Variants in ATAD3A observed in about 807,000 individuals in gnomAD.
ATAD3A encodes the protein ATPase family AAA domain-containing protein 3A.
ATAD3A carries 46 observed loss-of-function variants against 73.8 expected under a neutral mutation model. The ratio of observed to expected loss-of-function variants is 0.62; its 90% CI spans 0.49 to 0.80. ATAD3A has a LOEUF of 0.80. Ranked by LOEUF, ATAD3A falls within the 30% of genes least tolerant of loss-of-function variation. The pLI is 0.00. For synonymous variants in ATAD3A, 319 were observed against 350.0 expected (o/e 0.91, Z 0.99); for missense variants, 705 against 838.0 (o/e 0.84, Z 1.96).
chr1:1,532,575 C>T (rs901806253), intron 15 of ATAD3A, among the ~76,000 whole-genome samples: 5 of 152,170 alleles, frequency 3.3e-5, no homozygotes, highest in African/African-American at 7.2e-5. Flanking sequence ...CAGGACGCCA[C>T]GTGACATTTA....
rs751361400 is a variant in ATAD3A at position 1,518,988 on chromosome 1, G to A, written c.512G>A (p.Arg171Gln). ...ESVQKQEAMR[R>Q]ATVEREMELR... ...GTGCAGAAGCAGGAAGCCATGCGGC[G>A]AGGTAGGCTGTCTGCTCTCCTGGCT... Residue 171 changes from arginine to glutamine, a missense_variant and splice_region_variant, in exon 5 of 16, where the codon CGA (arginine) becomes CAA (glutamine). By Grantham distance (43) the Arg-to-Gln change is conservative (BLOSUM62 1). Transcript: ENST00000378756. 73 of 1,614,028 alleles carry A rather than the reference G, an allele frequency of 4.5e-5. No homozygotes were observed. Among genetic ancestry groups the A allele is most frequent in the Non-Finnish European group, 5.6e-5 (66 of 1,179,994 alleles).
intron 15 of ATAD3A, among the ~76,000 whole-genome samples, 160 bp downstream of exon 15, chr1:1,529,491 C>T (rs1641963304): frequency 6.6e-6 from 1 of 152,254 alleles, no homozygotes; most frequent in South Asian, 2.1e-4. Context: ...CCAGTCAGGC[C>T]ACTCCACGAG....
In ATAD3A at chr1:1,534,199, C is replaced by T. The variant is rs1485582624; in HGVS notation, c.*127C>T. ...TGGGCTGTGCCCAGGGCCTCTGTCC[C>T]CCAGGATGTCTTGTGGTGCGGGTCG... is the stretch of plus-strand genomic sequence containing the variant. On this transcript the variant is annotated 3_prime_UTR_variant, in exon 16 of 16. Transcript: ENST00000378756. 8.4e-6 allele frequency: 13 copies of T among 1,544,718 alleles called. No homozygotes were observed. The highest frequency in any genetic ancestry group is 1.0e-5 in the Non-Finnish European group (12 of 1,145,426).
intron 15 of ATAD3A, among the ~76,000 whole-genome samples, chr1:1,532,910 G>C (rs527839026): frequency 1.8e-4 from 28 of 151,700 alleles, no homozygotes; most frequent in African/African-American, 4.6e-4. Flanking sequence ...CAGTGGCGGT[G>C]CGGCTCCGGT....
At chr1:1,512,565 G>C (rs532979469) in intron 1 of ATAD3A, 92 bp downstream of exon 1, 8 of 1,394,556 alleles carry the variant, frequency 5.7e-6, no homozygotes, top group Non-Finnish European at 2.8e-6. Flanking sequence ...CGCCGCTGTC[G>C]GCAGCCACTT....
chr1:1,528,782 T>A (rs1311612713), intron 14 of ATAD3A, among the ~76,000 whole-genome samples: 1 of 152,254 alleles, frequency 6.6e-6, no homozygotes, highest in Non-Finnish European at 1.5e-5. Flanking sequence ...CGCTGCCGCC[T>A]GCTCCATGCC....
chr1:1,522,807 G>T lies in ATAD3A; in HGVS notation c.814G>T (p.Gly272Cys), dbSNP rs199582873. 3 of 1,611,112 alleles carry T rather than the reference G, an allele frequency of 1.9e-6. No individual in the cohort carries two copies. The highest frequency in any genetic ancestry group is 1.9e-4 in the Middle Eastern group (1 of 5,306). Residue 272 changes from glycine (G) to cysteine (C), a missense_variant, in exon 8 of 16, where the codon GGC (glycine) becomes TGC (cysteine). Coordinates refer to ENST00000378756, the MANE Select transcript of ATAD3A (RefSeq NM_001170535.3). ...YSAKNATLVA[G>C]RFIEARLGKP... ...AGCCAAGAATGCCACGCTTGTCGCC[G>T]GCCGCTTCATCGAGGCTCGGCTGGG...
In ATAD3A at chr1:1,532,905, G is replaced by A. The variant is rs1331902764; in HGVS notation, c.1615-1021G>A. On this transcript the variant is annotated intron_variant, in intron 15 of 15. Transcript: ENST00000378756. ...ACTCCGGGGCCCCTGACCCACAGTGGCGGTGCGGCTCCGGTCAGTGTCTCC... is the reference window on the plus strand; with the variant it reads ...ACTCCGGGGCCCCTGACCCACAGTGACGGTGCGGCTCCGGTCAGTGTCTCC... Among the ~76,000 whole-genome samples the A allele has an allele frequency of 3.3e-5, 5 of 152,154 alleles. No homozygotes were observed. The East Asian group carries it at 9.7e-4, about 29-fold the overall frequency.
At chr1:1,518,872 C>A in intron 4 of ATAD3A, 49 bp from the exon 5 acceptor site, 1 of 1,613,966 alleles carries the variant, frequency 6.2e-7, no homozygotes, top group Non-Finnish European at 8.5e-7. Context: ...CACATGGGCA[C>A]AGTCACAGGT....
intron 11 of ATAD3A, among the ~76,000 whole-genome samples, chr1:1,524,905 C>G (rs962272213): frequency 1.3e-5 from 2 of 151,954 alleles, no homozygotes; most frequent in African/African-American, 4.8e-5. Context: ...CCCCTCTGGC[C>G]TTTGACCTTT....
intron 14 of ATAD3A, among the ~76,000 whole-genome samples, chr1:1,528,356 G>A (rs1198395646): frequency 4.0e-5 from 6 of 151,438 alleles, no homozygotes; most frequent in Non-Finnish European, 7.3e-5. Flanking sequence ...GTGATACGGA[G>A]TGTTGCTCTG....
Position 1,534,157 on chromosome 1 carries a change from T to C in ATAD3A, c.*85T>C, listed in dbSNP as rs1317621050. On this transcript the variant is annotated 3_prime_UTR_variant, in exon 16 of 16. Coordinates refer to ENST00000378756, the MANE Select transcript of ATAD3A (RefSeq NM_001170535.3). Reference sequence around the variant, plus strand: ...TGCCGGCCCCTGCACATTTAGGATATGCTCCTGGGTGGGGACTGGGCTGTG... The same window carrying C: ...TGCCGGCCCCTGCACATTTAGGATACGCTCCTGGGTGGGGACTGGGCTGTG... 1.2e-6 allele frequency: 2 copies of C among 1,603,674 alleles called. No individual in the cohort carries two copies. Among genetic ancestry groups the C allele is most frequent in the South Asian group, 1.1e-5 (1 of 90,358 alleles).
In ATAD3A at chr1:1,534,197, C is replaced by A. The variant is rs954116891; in HGVS notation, c.*125C>A. On this transcript the variant is annotated 3_prime_UTR_variant, in exon 16 of 16. Coordinates refer to ENST00000378756, the MANE Select transcript of ATAD3A (RefSeq NM_001170535.3). ...ACTGGGCTGTGCCCAGGGCCTCTGTCCCCCAGGATGTCTTGTGGTGCGGGT... is the reference window on the plus strand; with the variant it reads ...ACTGGGCTGTGCCCAGGGCCTCTGTACCCCAGGATGTCTTGTGGTGCGGGT... 6 of 1,548,292 alleles carry A rather than the reference C, an allele frequency of 3.9e-6. No homozygotes were observed. The African/African-American group carries it at 6.9e-5, about 18-fold the overall frequency.
At chr1:1,521,312 A>AG (rs1480974061) in intron 7 of ATAD3A, among the ~76,000 whole-genome samples, 1 of 150,294 alleles carries the variant, frequency 6.7e-6, no homozygotes, top group Non-Finnish European at 1.5e-5. Context: ...AAAAAAAAAA[A>AG]AAAAAAAAAA....
intron 2 of ATAD3A, 154 bp from the exon 3 acceptor site, chr1:1,517,157 C>G (rs1412444572): frequency 1.3e-6 from 2 of 1,548,932 alleles, no homozygotes; most frequent in Admixed American, 3.9e-5. Context: ...GGGCCTGATC[C>G]TGGGTGCAGA....
At chr1:1,525,404 G>A in intron 12 of ATAD3A, 113 bp downstream of exon 12, 4 of 994,728 alleles carry the variant, frequency 4.0e-6, no homozygotes, top group Non-Finnish European at 4.4e-6. Context: ...AGCTTTGTGT[G>A]AAAAACAGCT....
chr1:1,515,077 G>T (rs907285457), intron 1 of ATAD3A, among the ~76,000 whole-genome samples: 12 of 152,106 alleles, frequency 7.9e-5, no homozygotes, highest in African/African-American at 2.9e-4. Flanking sequence ...GTTTCGCCAT[G>T]TTGGCCCGGA....
chr1:1,533,984 T>G lies in ATAD3A; in HGVS notation c.1673T>G (p.Val558Gly), dbSNP rs1200878383. The G allele has an allele frequency of 6.2e-7, 1 of 1,613,520 alleles. No homozygotes were observed. The highest frequency in any genetic ancestry group is 2.2e-5 in the East Asian group (1 of 44,866). Residue 558 changes from valine (V) to glycine (G), a missense_variant, in exon 16 of 16, where the codon GTG becomes GGG. Val to Gly is a moderately radical substitution (Grantham distance 109, BLOSUM62 -3). Around this residue, in one of 5 missense-constraint regions of ATAD3A, gnomAD observed 252 missense variants for 278.5 expected, o/e 0.90. Coordinates refer to ENST00000378756, the MANE Select transcript of ATAD3A (RefSeq NM_001170535.3). The part of the protein sequence containing the change: ...VLTEAMMDTR[V>G]QDAVQQHQQK... Reference sequence around the variant, plus strand: ...ACCGAGGCCATGATGGACACCCGCGTGCAAGATGCTGTCCAGCAGCACCAG... The same window carrying G: ...ACCGAGGCCATGATGGACACCCGCGGGCAAGATGCTGTCCAGCAGCACCAG...
rs184267987 is a variant in ATAD3A at position 1,520,503 on chromosome 1, C to T, written c.681-45C>T. ...CTCAACCTGCTCTCGCTGCGTGGCA[C>T]GGATCTTCGTGTCCTTCCTGGTCAC... On this transcript the variant is annotated intron_variant, in intron 6 of 15. Transcript: ENST00000378756. This position sits in a 1 kb window ranked among gnomAD's most constrained non-coding sequence, Gnocchi z 4.0. The T allele has an allele frequency of 3.0e-5, 48 of 1,614,084 alleles. No individual in the cohort carries two copies. In the East Asian group the frequency reaches 7.8e-4, roughly 26 times the overall value.
Sources: allele counts gnomAD v4.1 joint callset (sites outside exome capture counted in the v4.1 genomes callset), GRCh38; gene constraint gnomAD v4.1.1; regional missense constraint gnomAD v4.1.1; non-coding constraint Gnocchi (gnomAD v3.1); transcripts MANE v1.5; gene names NCBI Gene and HGNC (gene_info 2026-07-23, HGNC 2026-07-21).